Variants in ZEB1 observed in about 807,000 individuals in gnomAD.
The protein encoded by ZEB1 is zinc finger E-box-binding homeobox 1.
In ZEB1, 21 loss-of-function variants were observed where a neutral mutation model predicts 84.9. The observed-to-expected ratio is 0.25, with a 90% CI of 0.18 to 0.36. The LOEUF (loss-of-function observed/expected upper bound fraction) is 0.36, where lower values mean the gene tolerates loss of function less well. ZEB1 is among the 10% of genes least tolerant of loss of function. The pLI is 1.00. For missense variants in ZEB1, 1,104 were observed against 1,330.2 expected (o/e 0.83, Z 2.65); for synonymous variants, 420 against 471.1 (o/e 0.89, Z 1.41).
At chr10:31,333,695 G>A (rs2037322127) in intron 1 of ZEB1, among the ~76,000 whole-genome samples, 1 of 151,966 alleles carries the variant, frequency 6.6e-6, no homozygotes. Flanking sequence ...GTACATAGCA[G>A]CAATAAGTGC....
chr10:31,366,361 G>A (rs998002144), intron 1 of ZEB1, among the ~76,000 whole-genome samples: 6 of 151,948 alleles, frequency 3.9e-5, no homozygotes, highest in African/African-American at 1.5e-4. Context: ...GCTGTGTCAC[G>A]CAGGCTCCTC....
Position 31,527,177 on chromosome 10 carries a change from CAG to C in ZEB1, c.3292_3293del (p.Arg1098GlyfsTer2), listed in dbSNP as rs1272763403. The stretch of plus-strand genomic sequence containing the variant: ...AAACTGAAGGTCTGATGAAGGATGA[CAG>C]GGCTGAAAGTCAAGCAAGCAGCTTA... ...AKTEGLMKDD[R>X]AESQASSLGQ... On this transcript the variant is annotated frameshift_variant, in exon 9 of 9. Coordinates refer to ENST00000424869, the MANE Select transcript of ZEB1 (RefSeq NM_001174096.2). LOFTEE classifies it low-confidence loss of function (END_TRUNC). The C allele has an allele frequency of 2.5e-6, 4 of 1,611,416 alleles. No homozygotes were observed. In the South Asian group the frequency reaches 3.3e-5, roughly 13 times the overall value.
intron 1 of ZEB1, among the ~76,000 whole-genome samples, chr10:31,441,242 A>T (rs2058937040): frequency 6.6e-6 from 1 of 152,202 alleles, no homozygotes; most frequent in Non-Finnish European, 1.5e-5. Context: ...GAGGCCTCAG[A>T]AATAATGCCA....
At chr10:31,473,823 C>T (rs2063647287) in intron 2 of ZEB1, among the ~76,000 whole-genome samples, 1 of 149,622 alleles carries the variant, frequency 6.7e-6, no homozygotes, top group Non-Finnish European at 1.5e-5. Context: ...TACAAGGCTA[C>T]AGTAACCAAA....
At chr10:31,517,772 C>G (rs1592059811) in intron 6 of ZEB1, among the ~76,000 whole-genome samples, 1 of 152,214 alleles carries the variant, frequency 6.6e-6, no homozygotes. Flanking sequence ...ATAATGATAA[C>G]TAGCACTTAT....
intron 1 of ZEB1, among the ~76,000 whole-genome samples, chr10:31,426,854 C>T (rs1476180807): frequency 1.3e-5 from 2 of 152,124 alleles, no homozygotes; most frequent in Non-Finnish European, 2.9e-5. Flanking sequence ...TGATCTGGAT[C>T]AGAGACATAT....
intron 1 of ZEB1, among the ~76,000 whole-genome samples, chr10:31,338,889 G>T (rs1292517427): frequency 6.6e-6 from 1 of 152,072 alleles, no homozygotes; most frequent in Admixed American, 6.5e-5. Context: ...CATCATAAAT[G>T]ATGTATAAAT....
At chr10:31,524,975 C>CTATA (rs987491643) in intron 8 of ZEB1, among the ~76,000 whole-genome samples, 7 of 152,180 alleles carry the variant, frequency 4.6e-5, no homozygotes, top group East Asian at 1.9e-4. Flanking sequence ...GGATGGCAAA[C>CTATA]TATAGCTCAC....
chr10:31,361,220 G>T (rs1749876026), intron 1 of ZEB1: 1 of 1,610,686 alleles, frequency 6.2e-7, no homozygotes. Context: ...TCAGGACGCA[G>T]TCTTGCTCTG....
At chr10:31,516,607 C>T (rs1271289852) in intron 6 of ZEB1, among the ~76,000 whole-genome samples, 2 of 142,070 alleles carry the variant, frequency 1.4e-5, no homozygotes, top group African/African-American at 5.2e-5. Flanking sequence ...ACTATTCTTC[C>T]TTCCTGATAC....
In ZEB1 at chr10:31,386,673, G is replaced by A. The variant is rs11818191; in HGVS notation, c.58+67381G>A. ...ATTAATTATAGTAGATTATTCTGTG[G>A]CATTTAACAGAATTCAAAGGGCTAC... On this transcript the variant is annotated intron_variant, in intron 1 of 8. Transcript: ENST00000424869. Among the ~76,000 whole-genome samples, 1,419 of 152,076 alleles carry A rather than the reference G, an allele frequency of 9.3e-3. 24 individuals are homozygous for A. The highest frequency in any genetic ancestry group is 0.033 in the African/African-American group (1,355 of 41,470).
rs2073607908 is a variant in ZEB1, at chr10:31,527,073, G to A, written c.3187G>A (p.Asp1063Asn). ...EEKECEKPQG[D>N]EEEEEEEEEV... ...AAAAGAATGTGAAAAACCACAAGGGGATGAGGAAGAGGAGGAGGAGGAGGA... is the reference window on the plus strand; with the variant it reads ...AAAAGAATGTGAAAAACCACAAGGGAATGAGGAAGAGGAGGAGGAGGAGGA... Residue 1063 changes from aspartate to asparagine, a missense_variant, in exon 9 of 9, where the codon GAT becomes AAT. Around this residue, in one of 7 missense-constraint regions of ZEB1, gnomAD observed 173 missense variants for 167.0 expected, o/e 1.04. Transcript: ENST00000424869. The A allele has an allele frequency of 1.3e-6, 2 of 1,588,158 alleles. No individual in the cohort carries two copies. The highest frequency in any genetic ancestry group is 1.7e-6 in the Non-Finnish European group (2 of 1,164,878).
chr10:31,320,864 C>G (rs939019165), intron 1 of ZEB1, among the ~76,000 whole-genome samples: 2 of 152,068 alleles, frequency 1.3e-5, no homozygotes, highest in Admixed American at 6.5e-5. Flanking sequence ...GAGCAGCCCC[C>G]GCCTGCGCCG....
At chr10:31,436,113 A>G (rs1473296234) in intron 1 of ZEB1, among the ~76,000 whole-genome samples, 1 of 152,218 alleles carries the variant, frequency 6.6e-6, no homozygotes, top group African/African-American at 2.4e-5. Flanking sequence ...GCGATAATGT[A>G]TGCAGTCGGG....
At position 31,366,814 on chromosome 10, in the gene ZEB1, A is replaced by G. The variant is rs866668634; in HGVS notation, c.58+47522A>G. Among the ~76,000 whole-genome samples the G allele has an allele frequency of 1.5e-4, 23 of 150,124 alleles. 2 individuals carry two copies. The South Asian group carries it at 4.8e-3, about 31-fold the overall frequency. On this transcript the variant is annotated intron_variant, in intron 1 of 8. Transcript: ENST00000424869. ...AATCTCTTCTCTGAGTTCCCAGCGT[A>G]TACTGCTTGAGCTGGAGCAAGACTC... is the stretch of plus-strand genomic sequence containing the variant.
chr10:31,337,476 T>C (rs2038378497), intron 1 of ZEB1, among the ~76,000 whole-genome samples: 1 of 152,078 alleles, frequency 6.6e-6, no homozygotes, highest in Admixed American at 6.5e-5. Flanking sequence ...TTATGGCTAC[T>C]GATAATCAAC....
At chr10:31,357,972 G>A (rs189496684) in intron 1 of ZEB1, among the ~76,000 whole-genome samples, 16 of 152,160 alleles carry the variant, frequency 1.1e-4, no homozygotes, top group Admixed American at 9.2e-4. Context: ...TTCTCTTGGC[G>A]TTCTCATGGG....
chr10:31,375,276 C>A (rs2046432287), intron 1 of ZEB1, among the ~76,000 whole-genome samples: 1 of 151,680 alleles, frequency 6.6e-6, no homozygotes, highest in Admixed American at 6.6e-5. Context: ...CCAGGCAGTC[C>A]CCCTTGTCAG....
At position 31,337,884 on chromosome 10, in the gene ZEB1, A is replaced by G. The variant is rs146068318; in HGVS notation, c.58+18592A>G. Among the ~76,000 whole-genome samples the G allele has an allele frequency of 7.7e-3, 1,172 of 152,100 alleles. 4 individuals are homozygous for G. The highest frequency in any genetic ancestry group is 0.013 in the Non-Finnish European group (895 of 67,964). On this transcript the variant is annotated intron_variant, in intron 1 of 8. Coordinates refer to ENST00000424869, the MANE Select transcript of ZEB1 (RefSeq NM_001174096.2). Reference sequence around the variant, plus strand: ...TTTTTAGTAGAGACAGGGTTTCACCATCTTGGCCAGGCAGGTCTTGAACTC... The same window carrying G: ...TTTTTAGTAGAGACAGGGTTTCACCGTCTTGGCCAGGCAGGTCTTGAACTC...
Sources: gnomAD v4.1 joint callset for allele counts (sites outside exome capture counted in the v4.1 genomes callset) on GRCh38, gnomAD v4.1.1 for gene constraint, gnomAD v4.1.1 regional missense constraint, MANE v1.5 for transcripts, NCBI Gene and HGNC (gene_info 2026-07-23, HGNC 2026-07-21) for gene names.